FAM193A: variants seen among roughly 807,000 people sequenced by gnomAD.
FAM193A encodes the protein protein FAM193A.
A neutral mutation model predicts 126.5 loss-of-function variants in FAM193A; 22 were observed. The ratio of observed to expected loss-of-function variants is 0.17; its 90% CI spans 0.12 to 0.25. The LOEUF is 0.25. Among genes scored for constraint, FAM193A ranks in the 10% least tolerant of loss-of-function variants. The pLI is 1.00. For synonymous variants in FAM193A, 761 were observed against 646.8 expected, an observed-to-expected ratio of 1.18 and a Z score of -2.68; for missense variants, 1,675 against 1,672.8, an observed-to-expected ratio of 1.00 and a Z score of -0.02.
chr4:2,699,822 A>G lies in FAM193A; in HGVS notation c.3650A>G (p.Glu1217Gly), dbSNP rs746542641. The change falls in exon 19 of 21, where the codon GAG (glutamate) becomes GGG (glycine). Residue 1217 changes from glutamate (E) to glycine (G), a missense_variant. Glu to Gly is a moderately conservative substitution (Grantham distance 98, BLOSUM62 -2). Around this residue, in one of 4 missense-constraint regions of FAM193A, gnomAD observed 415 missense variants for 396.7 expected, o/e 1.05. Transcript: ENST00000637812. ...RFKEEFQRLQ[E>G]LQKLRAVKKK... ...AAGGAGGAATTTCAGCGGCTTCAGG[A>G]GCTTCAGAAGCTAAGAGCTGTAAAA... is the stretch of plus-strand genomic sequence containing the variant. 1.5e-5 allele frequency: 25 copies of G among 1,613,732 alleles called. No homozygotes were observed. The African/African-American group carries it at 3.3e-4, about 22-fold the overall frequency.
At chr4:2,691,046 A>C in intron 15 of FAM193A, 76 bp downstream of exon 15, 3 of 1,391,038 alleles carry the variant, frequency 2.2e-6, no homozygotes, top group Non-Finnish European at 2.9e-6. Flanking sequence ...TTTGTAACTC[A>C]TCTTTGTAAC....
intron 20 of FAM193A, among the ~76,000 whole-genome samples, chr4:2,729,279 C>A (rs1440608281): frequency 6.6e-6 from 1 of 152,140 alleles, no homozygotes; most frequent in Non-Finnish European, 1.5e-5. Context: ...AAGATCGCCT[C>A]AGGTGAGCAT....
At chr4:2,630,880 CAG>C in intron 4 of FAM193A, 53 bp from the exon 5 acceptor site, 1 of 997,520 alleles carries the variant, frequency 1.0e-6, no homozygotes. Context: ...TCACTGACAT[CAG>C]AGCACCCATG....
chr4:2,594,014 T>C (rs934694017), intron 1 of FAM193A, among the ~76,000 whole-genome samples: 1 of 152,144 alleles, frequency 6.6e-6, no homozygotes, highest in Non-Finnish European at 1.5e-5. Flanking sequence ...TCTGCCCCTG[T>C]GCCCCAAACA....
chr4:2,649,662 C>A (rs1043935393), intron 7 of FAM193A, among the ~76,000 whole-genome samples: 1 of 151,908 alleles, frequency 6.6e-6, no homozygotes, highest in Non-Finnish European at 1.5e-5. Flanking sequence ...ACAGTGAGAC[C>A]CTATCTCAAA....
At chr4:2,678,755 ATTTT>A (rs1714747337) in intron 13 of FAM193A, among the ~76,000 whole-genome samples, 1 of 152,160 alleles carries the variant, frequency 6.6e-6, no homozygotes, top group African/African-American at 2.4e-5. Context: ...CATGCAGCTG[ATTTT>A]TGAGTGTTGA....
chr4:2,726,091 G>A (rs1424446644), intron 20 of FAM193A, among the ~76,000 whole-genome samples: 2 of 151,828 alleles, frequency 1.3e-5, no homozygotes, highest in Admixed American at 1.3e-4. Context: ...AGTAGAGACG[G>A]GGTTTCACCG....
intron 20 of FAM193A, among the ~76,000 whole-genome samples, chr4:2,726,448 G>A (rs1350149814): frequency 6.6e-6 from 1 of 151,996 alleles, no homozygotes; most frequent in Non-Finnish European, 1.5e-5. Context: ...CAAGAGATTT[G>A]GGTTTCAGGG....
chr4:2,726,400 G>A (rs1035818660), intron 20 of FAM193A, among the ~76,000 whole-genome samples: 1 of 152,026 alleles, frequency 6.6e-6, no homozygotes, highest in Non-Finnish European at 1.5e-5. Context: ...TTAAAAACTT[G>A]AGTTGTTCTT....
At chr4:2,706,197 C>T (rs1718278442) in intron 19 of FAM193A, among the ~76,000 whole-genome samples, 1 of 151,938 alleles carries the variant, frequency 6.6e-6, no homozygotes, top group African/African-American at 2.4e-5. Context: ...TATAATGAGA[C>T]CTTGTTTCTA....
At chr4:2,656,195 T>C (rs1033501709) in intron 7 of FAM193A, among the ~76,000 whole-genome samples, 1 of 152,214 alleles carries the variant, frequency 6.6e-6, no homozygotes, top group Non-Finnish European at 1.5e-5. Context: ...ATTGAGAAAC[T>C]CTGTGTTTTT....
chr4:2,656,150 T>C (rs1711654451), intron 7 of FAM193A, among the ~76,000 whole-genome samples: 1 of 152,118 alleles, frequency 6.6e-6, no homozygotes, highest in Admixed American at 6.6e-5. Context: ...GTCTTACTTG[T>C]TTTGTATAAA....
rs1247023676 is a variant in FAM193A at position 2,699,932 on chromosome 4, C to T, written c.3760C>T (p.Pro1254Ser). The change falls in exon 19 of 21, where the codon CCT (proline) becomes TCT (serine). Residue 1254 changes from proline (P) to serine (S), a missense_variant. Around this residue, in one of 4 missense-constraint regions of FAM193A, gnomAD observed 415 missense variants for 396.7 expected, o/e 1.05. Coordinates refer to ENST00000637812, the MANE Select transcript of FAM193A (RefSeq NM_001366318.2). ...RNFQAATESV[P>S]NSGNIHNGSL... ...TTTCCAGGCAGCAACAGAGTCTGTTCCTAACTCTGGAAACATCCACAATGG... is the reference window on the plus strand; with the variant it reads ...TTTCCAGGCAGCAACAGAGTCTGTTTCTAACTCTGGAAACATCCACAATGG... 1 of 1,613,970 alleles carries T rather than the reference C, an allele frequency of 6.2e-7. No individual in the cohort carries two copies. The highest frequency in any genetic ancestry group is 1.1e-5 in the South Asian group (1 of 91,080).
intron 13 of FAM193A, among the ~76,000 whole-genome samples, chr4:2,681,455 TTTG>T (rs1381256395): frequency 2.6e-5 from 4 of 152,086 alleles, no homozygotes; most frequent in African/African-American, 7.2e-5. Context: ...TTTCATTTTA[TTTG>T]TTGTTGTTAT....
At chr4:2,678,159 G>T (rs1714648410) in intron 13 of FAM193A, among the ~76,000 whole-genome samples, 1 of 151,850 alleles carries the variant, frequency 6.6e-6, no homozygotes, top group Admixed American at 6.6e-5. Flanking sequence ...CTAATTTTTT[G>T]TATTTTAATA....
intron 6 of FAM193A, among the ~76,000 whole-genome samples, chr4:2,642,280 G>A (rs1309107264): frequency 6.6e-6 from 1 of 151,952 alleles, no homozygotes; most frequent in Non-Finnish European, 1.5e-5. Context: ...TCCAGCCTGG[G>A]GGACAGAGCG....
chr4:2,567,154 T>A (rs912393647), intron 1 of FAM193A, among the ~76,000 whole-genome samples: 2 of 151,690 alleles, frequency 1.3e-5, no homozygotes, highest in African/African-American at 4.8e-5. Context: ...TGCACCTTGT[T>A]AGCCAGGATG....
intron 1 of FAM193A, among the ~76,000 whole-genome samples, chr4:2,579,223 G>A (rs546482586): frequency 2.0e-5 from 3 of 152,082 alleles, no homozygotes; most frequent in Non-Finnish European, 2.9e-5. Flanking sequence ...GGCTGGGCGC[G>A]GTGGCTCACG....
At chr4:2,596,561 T>C (rs1740875844) in intron 2 of FAM193A, among the ~76,000 whole-genome samples, 3 of 152,228 alleles carry the variant, frequency 2.0e-5, no homozygotes, top group African/African-American at 7.2e-5. Flanking sequence ...CATCAAGCTA[T>C]GTGACCCTGA....
Sources: allele counts gnomAD v4.1 joint callset (sites outside exome capture counted in the v4.1 genomes callset), GRCh38; gene constraint gnomAD v4.1.1; regional missense constraint gnomAD v4.1.1; transcripts MANE v1.5; gene names NCBI Gene and HGNC (gene_info 2026-07-23, HGNC 2026-07-21).